TTC6: variants seen among roughly 807,000 people sequenced by gnomAD.
TTC6 encodes the protein tetratricopeptide repeat protein 6.
Under a neutral mutation model 210.4 loss-of-function variants are expected in TTC6, and 172 were observed. That is an observed-to-expected ratio of 0.82 (90% CI 0.72 to 0.93). The LOEUF (loss-of-function observed/expected upper bound fraction) is 0.93. Ranked by LOEUF, TTC6 falls within the 40% of genes least tolerant of loss-of-function variation. TTC6 has a pLI of 0.00. For synonymous variants in TTC6, 804 were observed against 819.6 expected, an observed-to-expected ratio of 0.98 and a Z score of 0.32; for missense variants, 2,414 against 2,318.1, an observed-to-expected ratio of 1.04 and a Z score of -0.85.
chr14:37,808,745 G>A (rs777470939), exon 24 of TTC6: 1 of 1,485,830 alleles, frequency 6.7e-7, no homozygotes, highest in South Asian at 1.3e-5. Context: ...TTATAAGCTA[G>A]CAATTACAGA....
chr14:37,776,596 T>A (rs2096038262), intron 14 of TTC6, among the ~76,000 whole-genome samples: 1 of 152,320 alleles, frequency 6.6e-6, no homozygotes, highest in South Asian at 2.1e-4. Context: ...TGATTTGATA[T>A]GAAATTCTAG....
chr14:37,771,633 G>C (rs939635470), intron 14 of TTC6, among the ~76,000 whole-genome samples: 3 of 151,972 alleles, frequency 2.0e-5, no homozygotes, highest in Non-Finnish European at 4.4e-5. Context: ...CGTAGTTCTC[G>C]AGCCTTGGTT....
chr14:37,675,581 G>T (rs1345338535), intron 1 of TTC6, among the ~76,000 whole-genome samples: 1 of 151,782 alleles, frequency 6.6e-6, no homozygotes, highest in Non-Finnish European at 1.5e-5. Context: ...TTTTTTTGGG[G>T]GCATATTCCT....
exon 14 of TTC6, chr14:37,753,119 A>G: frequency 1.3e-6 from 2 of 1,534,848 alleles, no homozygotes; most frequent in African/African-American, 2.7e-5. Flanking sequence ...ATGATCCCAA[A>G]AGAACAGATG....
intron 14 of TTC6, among the ~76,000 whole-genome samples, chr14:37,760,473 G>A (rs1380589864): frequency 6.6e-6 from 1 of 152,200 alleles, no homozygotes; most frequent in Non-Finnish European, 1.5e-5. Flanking sequence ...AGGAGGCACA[G>A]GGGTCAGGGA....
At chr14:37,706,924 A>G (rs2095836658) in intron 5 of TTC6, among the ~76,000 whole-genome samples, 1 of 151,856 alleles carries the variant, frequency 6.6e-6, no homozygotes, top group African/African-American at 2.4e-5. Context: ...GTTTTTTTCT[A>G]ATAGGTTGGG....
chr14:37,792,479 C>A, intron 17 of TTC6, 65 bp downstream of exon 19: 1 of 1,303,410 alleles, frequency 7.7e-7, no homozygotes, highest in South Asian at 1.9e-5. Context: ...ATTTGTTCAA[C>A]ATAATTTTAA....
intron 1 of TTC6, among the ~76,000 whole-genome samples, chr14:37,601,511 G>A (rs1814343909): frequency 6.6e-6 from 1 of 152,182 alleles, no homozygotes; most frequent in African/African-American, 2.4e-5. Flanking sequence ...AAGTCCCCAA[G>A]TGAGAGGATC....
chr14:37,824,030 A>G (rs1765212381), intron 27 of TTC6, 73 bp downstream of exon 29: 5 of 1,284,120 alleles, frequency 3.9e-6, no homozygotes, highest in African/African-American at 1.5e-5. Context: ...TTTCCTGGCA[A>G]TGGGAGTATA....
intron 5 of TTC6, among the ~76,000 whole-genome samples, chr14:37,705,313 T>C (rs559355723): frequency 2.7e-4 from 41 of 152,282 alleles, no homozygotes; most frequent in African/African-American, 9.6e-4. Flanking sequence ...CAAAATTCAA[T>C]GTTTAATTTC....
intron 14 of TTC6, among the ~76,000 whole-genome samples, chr14:37,764,952 T>C (rs1015430413): frequency 1.3e-5 from 2 of 151,904 alleles, no homozygotes; most frequent in Non-Finnish European, 2.9e-5. Flanking sequence ...AATTGATTTT[T>C]TTCTACCATT....
intron 28 of TTC6, 101 bp downstream of exon 30, chr14:37,826,448 T>C (rs926546928): frequency 3.8e-6 from 4 of 1,040,314 alleles, no homozygotes; most frequent in African/African-American, 1.6e-5. Context: ...AAGTGACTTA[T>C]GGAGAAAATA....
At chr14:37,790,875 G>T in intron 16 of TTC6, 38 bp downstream of exon 18, 1 of 1,489,506 alleles carries the variant, frequency 6.7e-7, no homozygotes, top group South Asian at 1.3e-5. Context: ...TTTCAGTTTT[G>T]TAAAAAATCG....
Position 37,817,558 on chromosome 14 carries a change from A to G in TTC6, c.4690-20A>G. The G allele has an allele frequency of 2.5e-6, 4 of 1,609,142 alleles. No homozygotes were observed. The highest frequency in any genetic ancestry group is 3.4e-6 in the Non-Finnish European group (4 of 1,178,450). On this transcript the variant is annotated intron_variant, in intron 25 of 30. Coordinates refer to ENST00000553443, the Ensembl canonical transcript of TTC6. ...AAAATAATGTTGCAAAATTAACAAAAGCTTATAACATTATTTCAGGATTTT... is the reference window on the plus strand; with the variant it reads ...AAAATAATGTTGCAAAATTAACAAAGGCTTATAACATTATTTCAGGATTTT...
At chr14:37,739,123 A>G in exon 10 of TTC6, 5 of 1,518,560 alleles carry the variant, frequency 3.3e-6, no homozygotes, top group Non-Finnish European at 4.4e-6. Context: ...TCGTGCATGA[A>G]GAGTTATCCA....
chr14:37,630,693 C>T (rs1320869117), intron 1 of TTC6, among the ~76,000 whole-genome samples: 1 of 151,928 alleles, frequency 6.6e-6, no homozygotes, highest in Non-Finnish European at 1.5e-5. Context: ...TAAATTCTCC[C>T]ACTATTATTG....
chr14:37,760,396 C>T (rs188687203), intron 14 of TTC6, among the ~76,000 whole-genome samples: 1 of 152,312 alleles, frequency 6.6e-6, no homozygotes, highest in Non-Finnish European at 1.5e-5. Flanking sequence ...GGGCACTGGC[C>T]TGATTCCAGC....
At chr14:37,720,865 G>A (rs2095860518) in intron 6 of TTC6, among the ~76,000 whole-genome samples, 1 of 152,114 alleles carries the variant, frequency 6.6e-6, no homozygotes, top group Non-Finnish European at 1.5e-5. Flanking sequence ...TAAAGGACAA[G>A]ATGGATCACT....
chr14:37,608,850 A>T (rs1415302074), intron 2 of TTC6, among the ~76,000 whole-genome samples: 25 of 152,072 alleles, frequency 1.6e-4, no homozygotes. Flanking sequence ...TACTGTAGTG[A>T]ACTACAGGGG....
Sources: allele counts gnomAD v4.1 joint callset (sites outside exome capture counted in the v4.1 genomes callset), GRCh38; gene constraint gnomAD v4.1.1; transcripts MANE v1.5; gene names NCBI Gene and HGNC (gene_info 2026-07-23, HGNC 2026-07-21).